Variants in FBXO11 observed in about 807,000 individuals in gnomAD.
The protein encoded by FBXO11 is F-box only protein 11.
A neutral mutation model predicts 117.0 loss-of-function variants in FBXO11; 13 were observed. The ratio of observed to expected loss-of-function variants is 0.11; its 90% CI spans 0.07 to 0.18. FBXO11 has a LOEUF of 0.18. Ranked by LOEUF, FBXO11 falls within the 10% of genes least tolerant of loss-of-function variation. The pLI is 1.00. For synonymous variants in FBXO11, 490 were observed against 380.5 expected (o/e 1.29, Z -3.35); for missense variants, 767 against 1,164.4 (o/e 0.66, Z 4.97).
chr2:47,855,428 TTAATGTAA>T (rs201201876), intron 1 of FBXO11, among the ~76,000 whole-genome samples: 3,404 of 152,202 alleles, frequency 0.022, 65 homozygotes, highest in Middle Eastern at 0.075. Context: ...CCAAGACTAT[TTAATGTAA>T]TTAGTAAGAA....
At chr2:47,819,230 G>T in intron 14 of FBXO11, 152 bp from the exon 15 acceptor site, 1 of 722,784 alleles carries the variant, frequency 1.4e-6, no homozygotes, top group Non-Finnish European at 2.2e-6. Flanking sequence ...GTTTTGTTTT[G>T]TTTTGAAATG....
intron 17 of FBXO11, among the ~76,000 whole-genome samples, 186 bp downstream of exon 17, chr2:47,813,605 T>C (rs749607416): frequency 1.3e-5 from 2 of 151,602 alleles, no homozygotes; most frequent in Non-Finnish European, 2.9e-5. Context: ...CTAATTTTTG[T>C]AATATTTAGT....
At chr2:47,839,394 T>C in intron 3 of FBXO11, 25 bp downstream of exon 3, 1 of 1,589,484 alleles carries the variant, frequency 6.3e-7, no homozygotes, top group Admixed American at 1.9e-5. Flanking sequence ...TTTTACCCTA[T>C]TTGTTACTTT....
chr2:47,872,620 G>A (rs1675706276), intron 1 of FBXO11, among the ~76,000 whole-genome samples: 1 of 152,088 alleles, frequency 6.6e-6, no homozygotes, highest in Non-Finnish European at 1.5e-5. Flanking sequence ...CACCGTGCCT[G>A]GCCTTATTTT....
rs1264506725 is a variant in FBXO11, at chr2:47,834,072, AG to A, written c.934+506del. 2.6e-5 allele frequency among the ~76,000 whole-genome samples: 4 copies of A among 152,202 alleles called. No homozygotes were observed. In the East Asian group the frequency reaches 7.7e-4, roughly 29 times the overall value. On this transcript the variant is annotated intron_variant, in intron 7 of 22. Transcript: ENST00000403359. The stretch of plus-strand genomic sequence containing the variant: ...CTAACATTAGGAAACATATACAGCC[AG>A]GCACAGTGGCTCATGTCTGTAATCC...
rs573680795 is a variant in FBXO11, at chr2:47,905,786, G to A, written c.-66C>T. ...CACGCACACGCACAGCGAGCTTCGG[G>A]GCAGGAGAAAGGGGTGGGGAGAGTG... On this transcript the variant is annotated 5_prime_UTR_variant, in exon 1 of 23. Transcript: ENST00000403359. 6.2e-3 allele frequency: 8,488 copies of A among 1,375,490 alleles called. 33 individuals are homozygous for A. The highest frequency in any genetic ancestry group is 6.6e-3 in the Admixed American group (299 of 45,382). 85.2% of individuals were successfully genotyped at this position (1,375,490 alleles called of 1,614,324 possible). A position where few individuals can be genotyped will look rare whatever the true frequency, so the allele number is the denominator to read the frequency against.
intron 1 of FBXO11, among the ~76,000 whole-genome samples, chr2:47,878,713 C>T (rs1213497972): frequency 6.6e-6 from 1 of 151,068 alleles, no homozygotes; most frequent in South Asian, 2.1e-4. Context: ...TGCGGTGGCT[C>T]ATGCCTGTAA....
intron 1 of FBXO11, among the ~76,000 whole-genome samples, chr2:47,841,108 G>A (rs1218537561): frequency 6.6e-6 from 1 of 151,572 alleles, no homozygotes; most frequent in South Asian, 2.1e-4. Context: ...TGAGGCAGGA[G>A]AATGGTGTGA....
chr2:47,816,601 G>A (rs957474740), intron 16 of FBXO11, among the ~76,000 whole-genome samples: 1 of 152,124 alleles, frequency 6.6e-6, no homozygotes, highest in Non-Finnish European at 1.5e-5. Flanking sequence ...TTTCTAAAAA[G>A]TATTTCTTAC....
At chr2:47,821,824 A>G (rs1671412400) in intron 13 of FBXO11, among the ~76,000 whole-genome samples, 1 of 151,586 alleles carries the variant, frequency 6.6e-6, no homozygotes, top group South Asian at 2.1e-4. Context: ...AGCGCATGAG[A>G]CTCACACCTG....
chr2:47,897,047 C>T (rs1677721734), intron 1 of FBXO11, among the ~76,000 whole-genome samples: 1 of 151,920 alleles, frequency 6.6e-6, no homozygotes, highest in South Asian at 2.1e-4. Flanking sequence ...AAGTTATGAC[C>T]AATTATGTGG....
intron 11 of FBXO11, among the ~76,000 whole-genome samples, chr2:47,831,108 T>C (rs780188098): frequency 5.3e-5 from 8 of 151,134 alleles, no homozygotes; most frequent in Non-Finnish European, 8.9e-5. Flanking sequence ...CATGGTCTAG[T>C]TTAGTTTAAA....
chr2:47,834,288 T>C (rs1474358261), intron 7 of FBXO11, among the ~76,000 whole-genome samples: 1 of 151,870 alleles, frequency 6.6e-6, no homozygotes, highest in Non-Finnish European at 1.5e-5. Context: ...AGGCAGAGGT[T>C]ACAGTGAACT....
intron 1 of FBXO11, among the ~76,000 whole-genome samples, chr2:47,848,157 AAC>A (rs371161260): frequency 6.6e-6 from 1 of 151,666 alleles, no homozygotes; most frequent in East Asian, 1.9e-4. Context: ...AAAACAACCA[AAC>A]ACACACACAC....
intron 1 of FBXO11, among the ~76,000 whole-genome samples, chr2:47,867,464 C>T (rs991982127): frequency 6.6e-6 from 1 of 152,130 alleles, no homozygotes. Context: ...ACTGTTCACA[C>T]GGCCCAATGA....
At chr2:47,860,843 ATTTTTTT>A (rs34675496) in intron 1 of FBXO11, among the ~76,000 whole-genome samples, 1 of 104,240 alleles carries the variant, frequency 9.6e-6, no homozygotes, top group East Asian at 2.6e-4. Flanking sequence ...GTTTTCCCCT[ATTTTTTT>A]TTTTTTTTTT....
At chr2:47,816,689 A>T in intron 16 of FBXO11, among the ~76,000 whole-genome samples, 1 of 152,156 alleles carries the variant, frequency 6.6e-6, no homozygotes, top group East Asian at 1.9e-4. Flanking sequence ...CGTGAAAACA[A>T]CAATCTCCTT....
chr2:47,870,058 C>G (rs898242946), intron 1 of FBXO11, among the ~76,000 whole-genome samples: 1 of 152,182 alleles, frequency 6.6e-6, no homozygotes, highest in Admixed American at 6.5e-5. Flanking sequence ...AGTGGAAGAT[C>G]TGAATAAAAC....
chr2:47,849,573 C>G (rs1322877843), intron 1 of FBXO11, among the ~76,000 whole-genome samples: 1 of 152,144 alleles, frequency 6.6e-6, no homozygotes, highest in Non-Finnish European at 1.5e-5. Context: ...TCTTCAAGAG[C>G]CTAAGAGACA....
Sources: gnomAD v4.1 joint callset for allele counts (sites outside exome capture counted in the v4.1 genomes callset) on GRCh38, gnomAD v4.1.1 for gene constraint, MANE v1.5 for transcripts, NCBI Gene and HGNC (gene_info 2026-07-23, HGNC 2026-07-21) for gene names.